ZNF519: variants seen among roughly 807,000 people sequenced by gnomAD.
ZNF519 encodes zinc finger protein 519.
In ZNF519, 7 loss-of-function variants were observed where a neutral mutation model predicts 7.4. The observed-to-expected ratio is 0.94, with a 90% CI of 0.54 to 1.77. The LOEUF is 1.77. ZNF519 is among the 40% of genes most tolerant of loss of function. The probability of loss-of-function intolerance (pLI) is 0.00; values close to 1 mark genes in which losing one functional copy is unlikely to be tolerated. For missense variants in ZNF519, 586 were observed against 623.1 expected (o/e 0.94, Z 0.63); for synonymous variants, 179 against 203.3 (o/e 0.88, Z 1.02).
chr18:14,126,503 G>A (rs189095772), intron 1 of ZNF519, among the ~76,000 whole-genome samples: 42 of 152,330 alleles, frequency 2.8e-4, no homozygotes, highest in African/African-American at 9.4e-4. Context: ...CCCAAATGAA[G>A]CTTAAGTCTC....
rs568456354 is a variant in ZNF519, at chr18:14,121,840, A to T, written c.130+2510T>A. On this transcript the variant is annotated intron_variant, in intron 2 of 2. Transcript: ENST00000590202. ...CTAAATAAGACAAAATTATAAGATA[A>T]TAGTTATTAAAAAATAAGATAATAG... 14 of 152,306 alleles carry T rather than the reference A, an allele frequency of 9.2e-5. No homozygotes were observed. In the East Asian group the frequency reaches 2.7e-3, roughly 29 times the overall value. The allele number at this position is 152,306 out of a possible 1,614,324, so 9.4% of individuals were successfully genotyped here. A position where few individuals can be genotyped will look rare whatever the true frequency, so the allele number is the denominator to read the frequency against.
intron 3 of ZNF519, among the ~76,000 whole-genome samples, chr18:14,080,738 C>T (rs1225205783): frequency 1.3e-5 from 2 of 152,180 alleles, no homozygotes; most frequent in East Asian, 3.8e-4. Flanking sequence ...TGGACCTTTA[C>T]AGCAGCTTTA....
intron 1 of ZNF519, among the ~76,000 whole-genome samples, chr18:14,130,706 T>C (rs1452428319): frequency 6.6e-6 from 1 of 152,058 alleles, no homozygotes; most frequent in African/African-American, 2.4e-5. Context: ...TGGGTTTTTC[T>C]TGTCCTTCAG....
chr18:14,103,400 G>A lies in ZNF519; in HGVS notation c.*1517C>T, dbSNP rs544712668. 1 of 152,148 alleles carries A rather than the reference G, an allele frequency of 6.6e-6. No homozygotes were observed. Among genetic ancestry groups the A allele is most frequent in the South Asian group, 2.1e-4 (1 of 4,820 alleles). 9.4% of individuals were successfully genotyped at this position (152,148 alleles called of 1,614,324 possible). On this transcript the variant is annotated 3_prime_UTR_variant, in exon 3 of 3. Coordinates refer to ENST00000590202, the MANE Select transcript of ZNF519 (RefSeq NM_145287.4). ...TTAAAAATAAATGAATGCAGAAAAT[G>A]GGGGGAACTCACAAATATATGGAAA... is the stretch of plus-strand genomic sequence containing the variant.
At chr18:14,124,791 C>T (rs1256783589) in intron 1 of ZNF519, among the ~76,000 whole-genome samples, 1 of 152,066 alleles carries the variant, frequency 6.6e-6, no homozygotes. Context: ...TCATGTTTGA[C>T]CCTGGCCTCA....
At chr18:14,085,471 A>C (rs1333254642) in intron 2 of ZNF519, among the ~76,000 whole-genome samples, 1 of 152,130 alleles carries the variant, frequency 6.6e-6, no homozygotes, top group Non-Finnish European at 1.5e-5. Flanking sequence ...AAATGGAAAA[A>C]TAAGGCCCTC....
At chr18:14,109,864 C>T (rs567467233) in intron 2 of ZNF519, among the ~76,000 whole-genome samples, 26 of 152,116 alleles carry the variant, frequency 1.7e-4, no homozygotes, top group African/African-American at 4.1e-4. Flanking sequence ...AAAGAGCCTA[C>T]GTAGCCAAAG....
At chr18:14,121,863 T>C (rs1387700269) in intron 2 of ZNF519, 2 of 152,222 alleles carry the variant, frequency 1.3e-5, no homozygotes, top group East Asian at 1.9e-4. Flanking sequence ...AATAAGATAA[T>C]AGATGGCTTA....
At chr18:14,072,649 G>A (rs1473139110), downstream of ZNF519, 1 of 152,112 alleles carries the variant, frequency 6.6e-6, no homozygotes, top group Non-Finnish European at 1.5e-5. Flanking sequence ...GGTTTAATCT[G>A]TGGAATTAGA....
intron 2 of ZNF519, among the ~76,000 whole-genome samples, chr18:14,108,705 T>C (rs1419945022): frequency 6.6e-6 from 1 of 151,642 alleles, no homozygotes; most frequent in African/African-American, 2.4e-5. Flanking sequence ...TCCATGTGAA[T>C]GAAAACAAAC....
At chr18:14,089,222 A>G (rs1263986853) in intron 2 of ZNF519, among the ~76,000 whole-genome samples, 1 of 152,232 alleles carries the variant, frequency 6.6e-6, no homozygotes, top group Non-Finnish European at 1.5e-5. Flanking sequence ...AGAGAATTTG[A>G]TGGGAACCTA....
At chr18:14,094,697 T>G (rs1342322493) in intron 2 of ZNF519, among the ~76,000 whole-genome samples, 2 of 152,136 alleles carry the variant, frequency 1.3e-5, no homozygotes, top group East Asian at 3.8e-4. Flanking sequence ...TGTGAGAATT[T>G]TTTAAAATTT....
rs1940813 is a variant in ZNF519, at chr18:14,104,653, C to A, written c.*264G>T. ...ATTATGCCTCTCCATCAATGTCGTC[C>A]CTCTTTTTAAACATACAATTTAATT... On this transcript the variant is annotated 3_prime_UTR_variant, in exon 3 of 3. Coordinates refer to ENST00000590202, the MANE Select transcript of ZNF519 (RefSeq NM_145287.4). 0.022 allele frequency: 7,312 copies of A among 334,514 alleles called. 476 individuals are homozygous for A. The highest frequency in any genetic ancestry group is 0.14 in the African/African-American group (6,506 of 47,142). 20.7% of individuals were successfully genotyped at this position (334,514 alleles called of 1,614,324 possible). A position where few individuals can be genotyped will look rare whatever the true frequency, so the allele number is the denominator to read the frequency against.
At chr18:14,109,405 G>A (rs1341350588) in intron 2 of ZNF519, among the ~76,000 whole-genome samples, 1 of 152,130 alleles carries the variant, frequency 6.6e-6, no homozygotes, top group Non-Finnish European at 1.5e-5. Flanking sequence ...AATGGCTTCA[G>A]AATACACATT....
At chr18:14,129,168 T>C (rs1366313781) in intron 1 of ZNF519, among the ~76,000 whole-genome samples, 2 of 152,166 alleles carry the variant, frequency 1.3e-5, no homozygotes, top group Non-Finnish European at 1.5e-5. Context: ...GAAGAGATTA[T>C]GATCAGGTAG....
intron 2 of ZNF519, among the ~76,000 whole-genome samples, chr18:14,108,313 C>T (rs2046204240): frequency 6.6e-6 from 1 of 152,172 alleles, no homozygotes; most frequent in African/African-American, 2.4e-5. Context: ...GGAGTGAGAA[C>T]TTCCATCCCT....
In ZNF519 at chr18:14,127,231, T is replaced by C. The variant is rs1298460654; in HGVS notation, c.4-2755A>G. 3.3e-5 allele frequency among the ~76,000 whole-genome samples: 5 copies of C among 152,312 alleles called. No individual in the cohort carries two copies. In the East Asian group the frequency reaches 9.6e-4, roughly 29 times the overall value. On this transcript the variant is annotated intron_variant, in intron 1 of 2. Transcript: ENST00000590202. ...CTCTCACAGAGCTGCAGCAGGTCACTGGACAAGATCTGGAAAACTCAAAGG... is the reference window on the plus strand; with the variant it reads ...CTCTCACAGAGCTGCAGCAGGTCACCGGACAAGATCTGGAAAACTCAAAGG...
Position 14,102,674 on chromosome 18 carries a change from A to G in ZNF519, c.*2243T>C, listed in dbSNP as rs978522497. The G allele has an allele frequency of 6.6e-6, 1 of 152,188 alleles. No homozygotes were observed. Among genetic ancestry groups the G allele is most frequent in the Non-Finnish European group, 1.5e-5 (1 of 68,034 alleles). The allele number at this position is 152,188 out of a possible 1,614,324, so 9.4% of individuals were successfully genotyped here. A position where few individuals can be genotyped will look rare whatever the true frequency, so the allele number is the denominator to read the frequency against. On this transcript the variant is annotated 3_prime_UTR_variant, in exon 3 of 3. Coordinates refer to ENST00000590202, the MANE Select transcript of ZNF519 (RefSeq NM_145287.4). ...TTAAAATAATAATAATTTATTCTCT[A>G]TATGTTGTAAATTATTTTCTCATTA...
chr18:14,114,143 T>C (rs2046235241), intron 2 of ZNF519, among the ~76,000 whole-genome samples: 1 of 152,180 alleles, frequency 6.6e-6, no homozygotes, highest in South Asian at 2.1e-4. Context: ...TTTAACTTGA[T>C]GTGATTCCAT....
Sources: allele counts gnomAD v4.1 joint callset (sites outside exome capture counted in the v4.1 genomes callset), GRCh38; gene constraint gnomAD v4.1.1; transcripts MANE v1.5; gene names NCBI Gene and HGNC (gene_info 2026-07-23, HGNC 2026-07-21).